Variants in ZNF207 observed in about 807,000 individuals in gnomAD.
The protein encoded by ZNF207 is BUB3-interacting and GLEBS motif-containing protein ZNF207.
ZNF207 carries 24 observed loss-of-function variants against 60.2 expected under a neutral mutation model. The ratio of observed to expected loss-of-function variants is 0.40; its 90% CI spans 0.29 to 0.56. The LOEUF (loss-of-function observed/expected upper bound fraction) is 0.56. ZNF207 is among the 20% of genes least tolerant of loss of function. The probability of loss-of-function intolerance (pLI) is 0.49; values close to 1 mark genes in which losing one functional copy is unlikely to be tolerated. For missense variants in ZNF207, 452 were observed against 636.6 expected (o/e 0.71, Z 3.12); for synonymous variants, 236 against 194.7 (o/e 1.21, Z -1.77).
At position 32,350,277 on chromosome 17, in the gene ZNF207, AAC is replaced by A. The variant is rs756377321; in HGVS notation, c.-5_-4del. The A allele has an allele frequency of 6.3e-5, 102 of 1,613,898 alleles. No homozygotes were observed. Among genetic ancestry groups the A allele is most frequent in the Non-Finnish European group, 7.8e-5 (92 of 1,179,982 alleles). ...CTCCTCCCTTTTACTTTGCCGGTAGAACACAGTTATGGGTCGCAAGAAGAAGA... is the reference window on the plus strand; with the variant it reads ...CTCCTCCCTTTTACTTTGCCGGTAGAACAGTTATGGGTCGCAAGAAGAAGA... On this transcript the variant is annotated 5_prime_UTR_variant, in exon 1 of 12. Coordinates refer to ENST00000394670, the MANE Select transcript of ZNF207 (RefSeq NM_001098507.2).
chr17:32,373,197 A>T lies in ZNF207; in HGVS notation c.*3438A>T, dbSNP rs1905543164. 2.3e-6 allele frequency: 1 copy of T among 431,794 alleles called. No individual in the cohort carries two copies. Among genetic ancestry groups the T allele is most frequent in the South Asian group, 5.8e-5 (1 of 17,218 alleles). The allele number at this position is 431,794 out of a possible 1,614,324, so 26.7% of individuals were successfully genotyped here. On this transcript the variant is annotated 3_prime_UTR_variant, in exon 12 of 12. Transcript: ENST00000394670. ...TTGAACTTAGACTCACCTTAATTAA[A>T]CTTAATTAATTGGGGAGGGGGATTC... is the stretch of plus-strand genomic sequence containing the variant.
intron 7 of ZNF207, among the ~76,000 whole-genome samples, chr17:32,364,461 G>A (rs1905067779): frequency 1.3e-5 from 2 of 151,290 alleles, no homozygotes; most frequent in South Asian, 2.1e-4. Flanking sequence ...GGGTTCAAGC[G>A]ATTTTCTCCT....
rs1445385221 is a variant in ZNF207 at position 32,367,282 on chromosome 17, T to TATATAA, written c.922-487_922-486insTAAATA. On this transcript the variant is annotated intron_variant, in intron 9 of 11. Transcript: ENST00000394670. ...ATATATATATATATATATATATATA[T>TATATAA]ATAAAGAATACTACTAAAGGATGTA... Among the ~76,000 whole-genome samples, 324 of 82,650 alleles carry TATATAA rather than the reference T, an allele frequency of 3.9e-3. 3 individuals are homozygous for TATATAA. The highest frequency in any genetic ancestry group is 0.014 in the African/African-American group (226 of 16,168). The allele number at this position is 82,650 out of a possible 152,430, so 54.2% of individuals were successfully genotyped here. A position where few individuals can be genotyped will look rare whatever the true frequency, so the allele number is the denominator to read the frequency against.
chr17:32,357,345 A>ATTTTTTTTTTTTTTT (rs1232093255), intron 2 of ZNF207, among the ~76,000 whole-genome samples: 2 of 65,006 alleles, frequency 3.1e-5, no homozygotes, highest in African/African-American at 1.8e-4. Context: ...TATTATTATT[A>ATTTTTTTTTTTTTTT]TTATTATTTT....
chr17:32,365,089 T>C (rs73272819), intron 7 of ZNF207, among the ~76,000 whole-genome samples: 1,858 of 152,350 alleles, frequency 0.012, 28 homozygotes, highest in African/African-American at 0.043. Context: ...TAAGCATAAT[T>C]GCCAAATGTT....
At chr17:32,354,671 G>A (rs899854715) in intron 2 of ZNF207, among the ~76,000 whole-genome samples, 3 of 151,748 alleles carry the variant, frequency 2.0e-5, no homozygotes, top group Non-Finnish European at 4.4e-5. Context: ...GGAGTGCAGT[G>A]GGCGTGATCT....
Position 32,350,160 on chromosome 17 carries a change from G to A in ZNF207, c.-126G>A, listed in dbSNP as rs781475687. 4.0e-6 allele frequency: 6 copies of A among 1,489,810 alleles called. No homozygotes were observed. The highest frequency in any genetic ancestry group is 1.2e-5 in the South Asian group (1 of 86,820). 92.3% of individuals were successfully genotyped at this position (1,489,810 alleles called of 1,614,324 possible). ...AGGCGGAGCGGGGAACGAGGCCGTC[G>A]GCCATTTTGTGTCTGCTTCCTGTGG... On this transcript the variant is annotated 5_prime_UTR_variant, in exon 1 of 12. Coordinates refer to ENST00000394670, the MANE Select transcript of ZNF207 (RefSeq NM_001098507.2).
intron 11 of ZNF207, 66 bp downstream of exon 11, chr17:32,369,520 T>C: frequency 6.2e-7 from 1 of 1,601,142 alleles, no homozygotes; most frequent in Non-Finnish European, 8.5e-7. Context: ...AATATTAAAT[T>C]TATCTGCAGC....
chr17:32,367,239 T>C (rs532636166), intron 9 of ZNF207, among the ~76,000 whole-genome samples: 45 of 32,184 alleles, frequency 1.4e-3, no homozygotes, highest in Middle Eastern at 0.022. Context: ...TTGGAGGGGA[T>C]TATATATATA....
chr17:32,363,554 T>TTTTTTTTTG (rs1905005392), intron 7 of ZNF207, among the ~76,000 whole-genome samples: 1 of 118,906 alleles, frequency 8.4e-6, no homozygotes, highest in Non-Finnish European at 1.7e-5. Context: ...TTTTTTTTTT[T>TTTTTTTTTG]TTTGAGATGG....
intron 10 of ZNF207, 162 bp downstream of exon 10, chr17:32,368,176 A>T (rs1905287574): frequency 9.8e-7 from 1 of 1,017,930 alleles, no homozygotes. Flanking sequence ...ATCATAAAAT[A>T]CTTAAAGTGG....
At chr17:32,362,227 C>G (rs1904929646) in intron 6 of ZNF207, among the ~76,000 whole-genome samples, 1 of 152,102 alleles carries the variant, frequency 6.6e-6, no homozygotes, top group African/African-American at 2.4e-5. Context: ...GCAGTCACAG[C>G]TTACTGCAGC....
chr17:32,351,476 A>C, intron 1 of ZNF207: 1 of 1,445,988 alleles, frequency 6.9e-7, no homozygotes, highest in South Asian at 1.4e-5. Context: ...GTGCATTTGT[A>C]AATGTTGAAA....
chr17:32,369,480 A>G (rs1012753180), intron 11 of ZNF207, 26 bp downstream of exon 11: 1 of 1,608,448 alleles, frequency 6.2e-7, no homozygotes, highest in African/African-American at 1.3e-5. Flanking sequence ...TGTTTTTCAT[A>G]TTTAGTGGAT....
intron 2 of ZNF207, among the ~76,000 whole-genome samples, chr17:32,357,388 G>A (rs1597767388): frequency 8.1e-6 from 1 of 124,138 alleles, no homozygotes; most frequent in African/African-American, 3.1e-5. Flanking sequence ...TCGCTCTCTT[G>A]CCCAGGCTAG....
In ZNF207 at chr17:32,381,840, T is replaced by G. The variant is rs1245606709; in HGVS notation, c.*12081T>G. The G allele has an allele frequency of 6.6e-6, 1 of 152,216 alleles. No homozygotes were observed. The highest frequency in any genetic ancestry group is 2.4e-5 in the African/African-American group (1 of 41,428). The allele number at this position is 152,216 out of a possible 1,614,324, so 9.4% of individuals were successfully genotyped here. On this transcript the variant is annotated 3_prime_UTR_variant, in exon 12 of 12. Coordinates refer to ENST00000394670, the MANE Select transcript of ZNF207 (RefSeq NM_001098507.2). ...TCTCCTTCACTCATTAACCTTTGAG[T>G]GCTTGTTATCTACAAAGATGAATAA...
In ZNF207 at chr17:32,360,740, A is replaced by G. The variant is rs2150794898; in HGVS notation, c.450A>G (p.Val150=). The G allele has an allele frequency of 1.2e-6, 2 of 1,614,146 alleles. No homozygotes were observed. Among genetic ancestry groups the G allele is most frequent in the Non-Finnish European group, 1.7e-6 (2 of 1,180,006 alleles). Residue 150 remains valine (V), a synonymous_variant, in exon 4 of 12, where the codon GTA becomes GTG. Transcript: ENST00000394670. ...TGGCACAGCCAGGACTGCCACCAGT[A>G]CCAGGAGCACCAGGAATGCCTCCAG... ...PPMAQPGLPP[V]PGAPGMPPGI... is the part of the protein sequence containing the mutation.
rs890685901 is a variant in ZNF207 at position 32,376,625 on chromosome 17, A to C, written c.*6866A>C. 5 of 152,064 alleles carry C rather than the reference A, an allele frequency of 3.3e-5. No homozygotes were observed. Among genetic ancestry groups the C allele is most frequent in the African/African-American group, 1.2e-4 (5 of 41,448 alleles). 9.4% of individuals were successfully genotyped at this position (152,064 alleles called of 1,614,324 possible). ...CCAAACAAGGTAGGTCTTCGCTGAA[A>C]CTAATTTGAACTATTCCTATTTGAA... is the stretch of plus-strand genomic sequence containing the variant. On this transcript the variant is annotated 3_prime_UTR_variant, in exon 12 of 12. Coordinates refer to ENST00000394670, the MANE Select transcript of ZNF207 (RefSeq NM_001098507.2).
chr17:32,356,508 C>T lies in ZNF207; in HGVS notation c.169-1995C>T, dbSNP rs145148185. Among the ~76,000 whole-genome samples the T allele has an allele frequency of 2.0e-4, 30 of 152,240 alleles. No homozygotes were observed. In the East Asian group the frequency reaches 2.5e-3, roughly 13 times the overall value. The stretch of plus-strand genomic sequence containing the variant: ...ATTTCTGAGTTTGATTTGCATGCCC[C>T]AGTTTCAAATCTTTAAGTGAGATAC... On this transcript the variant is annotated intron_variant, in intron 2 of 11. Transcript: ENST00000394670.
Sources: gnomAD v4.1 joint callset for allele counts (sites outside exome capture counted in the v4.1 genomes callset) on GRCh38, gnomAD v4.1.1 for gene constraint, MANE v1.5 for transcripts, NCBI Gene and HGNC (gene_info 2026-07-23, HGNC 2026-07-21) for gene names.